RASGEF1C: variants seen among roughly 807,000 people sequenced by gnomAD.
RASGEF1C encodes RasGEF domain family member 1C, also known as ras-GEF domain-containing family member 1C.
A neutral mutation model predicts 58.1 loss-of-function variants in RASGEF1C; 27 were observed. The ratio of observed to expected loss-of-function variants is 0.46; its 90% confidence interval spans 0.34 to 0.64. The LOEUF (loss-of-function observed/expected upper bound fraction) is 0.64. Among genes scored for constraint, RASGEF1C ranks in the 30% least tolerant of loss-of-function variants. The pLI is 0.01. For synonymous variants in RASGEF1C, 243 were observed against 246.3 expected (o/e 0.99, Z 0.13); for missense variants, 502 against 605.1 (o/e 0.83, Z 1.79).
intron 1 of RASGEF1C, among the ~76,000 whole-genome samples, chr5:180,172,227 A>AAAAAAAAAAAATATTCTT (rs1767120416): frequency 6.6e-6 from 1 of 152,126 alleles, no homozygotes; most frequent in African/African-American, 2.4e-5. Flanking sequence ...GGGTGTCCCA[A>AAAAAAAAAAAATATTCTT]GCCTGCCTGA....
At chr5:180,188,168 A>AT (rs1355591595) in intron 1 of RASGEF1C, among the ~76,000 whole-genome samples, 6 of 152,238 alleles carry the variant, frequency 3.9e-5, no homozygotes, top group Non-Finnish European at 8.8e-5. Flanking sequence ...TCAAGTACAG[A>AT]TACATGTCAC....
chr5:180,170,519 C>T (rs527501434), intron 1 of RASGEF1C, among the ~76,000 whole-genome samples: 54 of 152,338 alleles, frequency 3.5e-4, no homozygotes, highest in Admixed American at 2.3e-3. Flanking sequence ...TTCCAGCCCC[C>T]GCGCTACGCA....
intron 6 of RASGEF1C, among the ~76,000 whole-genome samples, chr5:180,126,251 C>CA (rs1766258140): frequency 6.6e-6 from 1 of 152,162 alleles, no homozygotes; most frequent in African/African-American, 2.4e-5. Context: ...ACTAAAAATA[C>CA]AAAAAATTAG....
rs186096214 is a variant in RASGEF1C, at chr5:180,170,738, G to A, written c.-6-32680C>T. On this transcript the variant is annotated intron_variant, in intron 1 of 13. Transcript: ENST00000361132. ...TGGGGCCACCAGACCTCTCCCTCCC[G>A]GGCCTGCCTGCCTGGCCACCTGCCT... is the stretch of plus-strand genomic sequence containing the variant. Among the ~76,000 whole-genome samples, 679 of 152,314 alleles carry A rather than the reference G, an allele frequency of 4.5e-3. 8 individuals carry two copies. Among genetic ancestry groups the A allele is most frequent in the African/African-American group, 0.015 (642 of 41,576 alleles).
At chr5:180,134,605 C>A (rs1041171535) in intron 4 of RASGEF1C, among the ~76,000 whole-genome samples, 2 of 151,366 alleles carry the variant, frequency 1.3e-5, no homozygotes, top group African/African-American at 2.4e-5. Context: ...TATACAGTGA[C>A]CCACCCCAGA....
At chr5:180,208,432 CAAT>C (rs1261355500) in intron 1 of RASGEF1C, among the ~76,000 whole-genome samples, 1 of 152,178 alleles carries the variant, frequency 6.6e-6, no homozygotes, top group Non-Finnish European at 1.5e-5. Flanking sequence ...AATCTAAATA[CAAT>C]GAGTGGACCA....
chr5:180,157,446 AC>A (rs1344717162), intron 1 of RASGEF1C, among the ~76,000 whole-genome samples: 1 of 147,488 alleles, frequency 6.8e-6, no homozygotes, highest in Non-Finnish European at 1.5e-5. Flanking sequence ...ACATGGAGAA[AC>A]CCTGTCTCTA....
intron 1 of RASGEF1C, among the ~76,000 whole-genome samples, chr5:180,205,370 A>G (rs1433990285): frequency 6.6e-6 from 1 of 152,200 alleles, no homozygotes; most frequent in Non-Finnish European, 1.5e-5. Flanking sequence ...CTCATGAATA[A>G]ACTTCATAAG....
intron 11 of RASGEF1C, 31 bp downstream of exon 11, chr5:180,114,415 A>C (rs888061622): frequency 6.2e-7 from 1 of 1,603,224 alleles, no homozygotes; most frequent in African/African-American, 1.3e-5. Flanking sequence ...CGGCCTGTCT[A>C]CCTCAGTGGC....
rs929965882 is a variant in RASGEF1C at position 180,198,109 on chromosome 5, C to T, written c.-7+10919G>A. Among the ~76,000 whole-genome samples, 6 of 152,146 alleles carry T rather than the reference C, an allele frequency of 3.9e-5. No individual in the cohort carries two copies. Among genetic ancestry groups the T allele is most frequent in the Admixed American group, 1.3e-4 (2 of 15,276 alleles). ...ACGCTTCCTGGACAGGCTTATGGGG[C>T]GTGGCAGTTTGGGGCACCATTGGTG... is the stretch of plus-strand genomic sequence containing the variant. On this transcript the variant is annotated intron_variant, in intron 1 of 13. Transcript: ENST00000361132. The surrounding 1 kb of genome is among the most constrained non-coding windows in gnomAD (Gnocchi z 4.5).
intron 1 of RASGEF1C, among the ~76,000 whole-genome samples, chr5:180,161,175 C>T (rs962859445): frequency 6.6e-6 from 1 of 152,206 alleles, no homozygotes; most frequent in Non-Finnish European, 1.5e-5. Flanking sequence ...CTGGGATAAA[C>T]GCAAAGTTCC....
At chr5:180,106,496 T>G (rs369748100) in intron 12 of RASGEF1C, among the ~76,000 whole-genome samples, 1 of 152,232 alleles carries the variant, frequency 6.6e-6, no homozygotes, top group South Asian at 2.1e-4. Flanking sequence ...GTTCAATTAT[T>G]TTTTAAATTT....
intron 10 of RASGEF1C, among the ~76,000 whole-genome samples, chr5:180,114,878 G>A (rs907257884): frequency 2.0e-5 from 3 of 152,242 alleles, no homozygotes; most frequent in Admixed American, 6.5e-5. Context: ...TGCCTTCTGG[G>A]AGGGGCTGGT....
At position 180,160,063 on chromosome 5, in the gene RASGEF1C, A is replaced by G. The variant is rs560930670; in HGVS notation, c.-6-22005T>C. 1.3e-3 allele frequency among the ~76,000 whole-genome samples: 193 copies of G among 152,334 alleles called. 1 individual carries two copies. Among genetic ancestry groups the G allele is most frequent in the African/African-American group, 4.4e-3 (184 of 41,576 alleles). ...GGGGATACTCCTGCCTCCAGGGCTC[A>G]TGGCTGCTCACCTATGGCCTTGTTT... On this transcript the variant is annotated intron_variant, in intron 1 of 13. Transcript: ENST00000361132.
intron 1 of RASGEF1C, among the ~76,000 whole-genome samples, chr5:180,200,033 G>A (rs1241396687): frequency 6.6e-6 from 1 of 152,046 alleles, no homozygotes; most frequent in African/African-American, 2.4e-5. Context: ...AGGTTGAGGC[G>A]GGTGGATCAC....
Position 180,128,439 on chromosome 5 carries a change from G to A in RASGEF1C, c.610C>T (p.Leu204=). 1.2e-6 allele frequency: 2 copies of A among 1,613,930 alleles called. No individual in the cohort carries two copies. The highest frequency in any genetic ancestry group is 1.7e-6 in the Non-Finnish European group (2 of 1,180,006). ...LLGVCSDPYT[L]AQQLTHVELE... ...TCCACGTGGGTCAGCTGCTGGGCCA[G>A]TGTGTAGGGGTCGCTGCAGACACCA... Residue 204 remains leucine, a synonymous_variant, in exon 5 of 14, where the codon CTG becomes TTG. Coordinates refer to ENST00000361132, the MANE Select transcript of RASGEF1C (RefSeq NM_175062.4).
At chr5:180,178,312 C>T (rs1427532655) in intron 1 of RASGEF1C, among the ~76,000 whole-genome samples, 1 of 118,752 alleles carries the variant, frequency 8.4e-6, no homozygotes, top group Admixed American at 1.0e-4. Flanking sequence ...ACGAGTCTCA[C>T]TCTGCCACCT....
chr5:180,106,081 T>G (rs942297380), intron 12 of RASGEF1C, among the ~76,000 whole-genome samples: 1 of 152,228 alleles, frequency 6.6e-6, no homozygotes, highest in Non-Finnish European at 1.5e-5. Context: ...ATTCAAAACT[T>G]ATGAATTATT....
intron 10 of RASGEF1C, among the ~76,000 whole-genome samples, chr5:180,117,511 GTCTTGGAGTT>G (rs1375250343): frequency 4.6e-5 from 7 of 152,234 alleles, no homozygotes; most frequent in African/African-American, 1.4e-4. Context: ...GGTACAACAA[GTCTTGGAGTT>G]TCCTCTCCAT....
Sources: allele counts gnomAD v4.1 joint callset (sites outside exome capture counted in the v4.1 genomes callset), GRCh38; gene constraint gnomAD v4.1.1; non-coding constraint Gnocchi (gnomAD v3.1); transcripts MANE v1.5; gene names NCBI Gene and HGNC (gene_info 2026-07-23, HGNC 2026-07-21).